The following FAM47B variants were observed in gnomAD, a reference collection of about 807,000 sequenced individuals.
FAM47B encodes family with sequence similarity 47 member B.
For missense variants in FAM47B, 581 were observed against 550.1 expected (o/e 1.06, Z -0.56); for synonymous variants, 247 against 215.8 (o/e 1.14, Z -1.27).
rs137863372 is a variant in FAM47B at position 34,944,759 on chromosome X, A to T, written c.1928A>T (p.Lys643Ile). The T allele has an allele frequency of 1.1e-3, 1,276 of 1,152,028 alleles. 1 individual carries two copies. The highest frequency in any genetic ancestry group is 1.2e-3 in the Non-Finnish European group (1,058 of 867,101). 94.9% of individuals were successfully genotyped at this position (1,152,028 alleles called of 1,213,427 possible). A position where few individuals can be genotyped will look rare whatever the true frequency, so the allele number is the denominator to read the frequency against. The part of the protein sequence containing the change: ...KYKEDVTDAS[K>I]ED ...AAAGAAGACGTCACAGATGCATCAA[A>T]AGAAGATTAGATGGTTTTCAATTTA... The change falls in exon 1 of 1, where the codon AAA becomes ATA. Residue 643 changes from lysine (K) to isoleucine (I), a missense_variant. Lys to Ile is a moderately radical substitution (Grantham distance 102). Transcript: ENST00000329357.
rs142684131 is a variant in FAM47B at position 34,943,695 on chromosome X, C to A, written c.864C>A (p.Pro288=). Residue 288 remains proline (P), a synonymous_variant, in exon 1 of 1, where the codon CCC becomes CCA. Coordinates refer to ENST00000329357, the MANE Select transcript of FAM47B (RefSeq NM_152631.3). ...CGTCCCATCTCTGCCCGGAGCCTCC[C>A]GAGACTCGCGTATCTCATCTCCACC... is the stretch of plus-strand genomic sequence containing the variant. ...TGASHLCPEP[P]ETRVSHLHPE... is the part of the protein sequence containing the mutation. 6.6e-6 allele frequency: 8 copies of A among 1,208,203 alleles called. No homozygotes were observed. In the Admixed American group the frequency reaches 1.3e-4, roughly 20 times the overall value.
In FAM47B at chrX:34,943,806, G is replaced by A; in HGVS notation, c.975G>A (p.Glu325=). 8.3e-7 allele frequency: 1 copy of A among 1,210,551 alleles called. No individual in the cohort carries two copies. Among genetic ancestry groups the A allele is most frequent in the Non-Finnish European group, 1.1e-6 (1 of 895,222 alleles). The change falls in exon 1 of 1, where the codon GAG becomes GAA. Residue 325 remains glutamate, a synonymous_variant. Transcript: ENST00000329357. ...CCAGTCTCTGCCCGGAGCCTCCCGA[G>A]GCTGGAGTGTCCCATCTCTGCCTGG... ...QVSSLCPEPP[E]AGVSHLCLEP... is the part of the protein sequence containing the mutation.
rs1926791952 is a variant in FAM47B, at chrX:34,942,817, A to C, written c.-15A>C. On this transcript the variant is annotated 5_prime_UTR_variant, in exon 1 of 1. Transcript: ENST00000329357. ...CCTCAGAAGCTGGAGAGGTGGCACA[A>C]CAGAGAGGGCCACCATGGGGGACCG... 4 of 1,177,372 alleles carry C rather than the reference A, an allele frequency of 3.4e-6. No individual in the cohort carries two copies. The highest frequency in any genetic ancestry group is 3.8e-5 in the South Asian group (2 of 53,011).
At position 34,942,929 on chromosome X, in the gene FAM47B, G is replaced by A. The variant is rs751913424; in HGVS notation, c.98G>A (p.Arg33His). 1.3e-5 allele frequency: 16 copies of A among 1,210,708 alleles called. No individual in the cohort carries two copies. In the African/African-American group the frequency reaches 1.9e-4, roughly 14 times the overall value. The change falls in exon 1 of 1, where the codon CGC becomes CAC. Residue 33 changes from arginine to histidine, a missense_variant. By Grantham distance (29) the Arg-to-His change is conservative. Coordinates refer to ENST00000329357, the MANE Select transcript of FAM47B (RefSeq NM_152631.3). ...CCGCCTTCCAAGTACTTCGCGAAGC[G>A]CAAGCACAGGCGCCTGAGGTTCCCG... The part of the protein sequence containing the change: ...DKPPSKYFAK[R>H]KHRRLRFPPV...
Position 34,942,816 on chromosome X carries a change from A to G in FAM47B, c.-16A>G. The G allele has an allele frequency of 8.5e-7, 1 of 1,175,092 alleles. No homozygotes were observed. Among genetic ancestry groups the G allele is most frequent in the Non-Finnish European group, 1.1e-6 (1 of 875,687 alleles). On this transcript the variant is annotated 5_prime_UTR_variant, in exon 1 of 1. Coordinates refer to ENST00000329357, the MANE Select transcript of FAM47B (RefSeq NM_152631.3). ...ACCTCAGAAGCTGGAGAGGTGGCAC[A>G]ACAGAGAGGGCCACCATGGGGGACC...
chrX:34,944,718 G>A lies in FAM47B; in HGVS notation c.1887G>A (p.Val629=). The change falls in exon 1 of 1, where the codon GTG becomes GTA. Residue 629 remains valine (V), a synonymous_variant. Transcript: ENST00000329357. ...TTAAGACTCCTATTCAACGTGCAGT[G>A]CAAGTTTACAAGTACAAAGAAGACG... ...DSVKTPIQRA[V]QVYKYKEDVT... The A allele has an allele frequency of 8.4e-7, 1 of 1,190,125 alleles. No homozygotes were observed.
At position 34,943,655 on chromosome X, in the gene FAM47B, C is replaced by T; in HGVS notation, c.824C>T (p.Pro275Leu). Reference protein sequence around the residue: ...KTLVSSVHPEPPDTGASHLCP... With the variant: ...KTLVSSVHPELPDTGASHLCP... The stretch of plus-strand genomic sequence containing the variant: ...CTGGTGTCCAGTGTCCACCCAGAGC[C>T]TCCTGATACTGGAGCGTCCCATCTC... Residue 275 changes from proline to leucine, a missense_variant, in exon 1 of 1, where the codon CCT (proline) becomes CTT (leucine). Coordinates refer to ENST00000329357, the MANE Select transcript of FAM47B (RefSeq NM_152631.3). The T allele has an allele frequency of 8.3e-7, 1 of 1,210,092 alleles. No homozygotes were observed.
Position 34,943,285 on chromosome X carries a change from C to G in FAM47B, c.454C>G (p.Gln152Glu), listed in dbSNP as rs1926806730. Reference sequence around the variant, plus strand: ...AGATCTCCTACTACAGGTGCTGAAACAGCTGGATCCCGAGAGGAAGCTGGA... The same window carrying G: ...AGATCTCCTACTACAGGTGCTGAAAGAGCTGGATCCCGAGAGGAAGCTGGA... ...PPDLLLQVLK[Q>E]LDPERKLEDA... The change falls in exon 1 of 1, where the codon CAG (glutamine) becomes GAG (glutamate). Residue 152 changes from glutamine to glutamate, a missense_variant. Transcript: ENST00000329357. 4 of 1,211,677 alleles carry G rather than the reference C, an allele frequency of 3.3e-6. No homozygotes were observed. Among genetic ancestry groups the G allele is most frequent in the Non-Finnish European group, 4.5e-6 (4 of 895,485 alleles).
rs764410326 is a variant in FAM47B at position 34,943,279 on chromosome X, C to A, written c.448C>A (p.Leu150Met). Reference sequence around the variant, plus strand: ...GCCTCCAGATCTCCTACTACAGGTGCTGAAACAGCTGGATCCCGAGAGGAA... The same window carrying A: ...GCCTCCAGATCTCCTACTACAGGTGATGAAACAGCTGGATCCCGAGAGGAA... ...DMPPDLLLQVLKQLDPERKLE... is the reference protein window; with the variant it reads ...DMPPDLLLQVMKQLDPERKLE... The change falls in exon 1 of 1, where the codon CTG becomes ATG. Residue 150 changes from leucine to methionine, a missense_variant. Physicochemically the swap from Leu to Met is conservative, Grantham distance 15 (BLOSUM62 2). Coordinates refer to ENST00000329357, the MANE Select transcript of FAM47B (RefSeq NM_152631.3). 2.6e-5 allele frequency: 31 copies of A among 1,209,697 alleles called. No individual in the cohort carries two copies. Among genetic ancestry groups the A allele is most frequent in the Non-Finnish European group, 6.7e-6 (6 of 895,133 alleles).
rs148435716 is a variant in FAM47B at position 34,942,842 on chromosome X, G to T, written c.11G>T (p.Arg4Leu). 7.5e-6 allele frequency: 9 copies of T among 1,198,088 alleles called. No individual in the cohort carries two copies. Among genetic ancestry groups the T allele is most frequent in the Non-Finnish European group, 1.0e-5 (9 of 886,839 alleles). ...ACAGAGAGGGCCACCATGGGGGACC[G>T]GAGGCCACAGGACCGGCCAAGGTCC... is the stretch of plus-strand genomic sequence containing the variant. MGDRRPQDRPRSQG... is the reference protein window; with the variant it reads MGDLRPQDRPRSQG... Residue 4 changes from arginine (R) to leucine (L), a missense_variant, in exon 1 of 1, where the codon CGG (arginine) becomes CTG (leucine). Transcript: ENST00000329357.
At position 34,944,651 on chromosome X, in the gene FAM47B, T is replaced by A; in HGVS notation, c.1820T>A (p.Ile607Asn). The A allele has an allele frequency of 1.7e-6, 2 of 1,211,812 alleles. No homozygotes were observed. The highest frequency in any genetic ancestry group is 2.2e-6 in the Non-Finnish European group (2 of 895,483). The change falls in exon 1 of 1, where the codon ATT becomes AAT. Residue 607 changes from isoleucine (I) to asparagine (N), a missense_variant. By Grantham distance (149) the Ile-to-Asn change is moderately radical. Coordinates refer to ENST00000329357, the MANE Select transcript of FAM47B (RefSeq NM_152631.3). ...LSKGYRMPGV[I>N]EKLFAKKGWT... ...AAGGGCTACAGAATGCCTGGCGTCATTGAAAAGCTGTTTGCCAAGAAGGGA... is the reference window on the plus strand; with the variant it reads ...AAGGGCTACAGAATGCCTGGCGTCAATGAAAAGCTGTTTGCCAAGAAGGGA...
At position 34,943,341 on chromosome X, in the gene FAM47B, G is replaced by A; in HGVS notation, c.510G>A (p.Glu170=). 3 of 1,210,844 alleles carry A rather than the reference G, an allele frequency of 2.5e-6. No homozygotes were observed. The highest frequency in any genetic ancestry group is 3.4e-6 in the Non-Finnish European group (3 of 895,147). The change falls in exon 1 of 1, where the codon GAG becomes GAA. Residue 170 remains glutamate, a synonymous_variant. Coordinates refer to ENST00000329357, the MANE Select transcript of FAM47B (RefSeq NM_152631.3). ...EDAWARCEAR[E]KTTEVPTESG... The stretch of plus-strand genomic sequence containing the variant: ...CTTGGGCTCGTTGTGAGGCCCGGGA[G>A]AAGACAACCGAGGTACCCACCGAGT...
chrX:34,944,019 T>C lies in FAM47B; in HGVS notation c.1188T>C (p.His396=). The C allele has an allele frequency of 8.3e-7, 1 of 1,208,266 alleles. No individual in the cohort carries two copies. Among genetic ancestry groups the C allele is most frequent in the Non-Finnish European group, 1.1e-6 (1 of 894,904 alleles). The stretch of plus-strand genomic sequence containing the variant: ...GGCCTTTTGAGAGTCGGATGCCCCA[T>C]CTCCGCCTGGTGCTTCCCATAACTC... ...CPRPFESRMP[H]LRLVLPITRR... Residue 396 remains histidine (H), a synonymous_variant, in exon 1 of 1, where the codon CAT becomes CAC. Coordinates refer to ENST00000329357, the MANE Select transcript of FAM47B (RefSeq NM_152631.3).
chrX:34,943,793 C>T lies in FAM47B; in HGVS notation c.962C>T (p.Pro321Leu), dbSNP rs751598301. The change falls in exon 1 of 1, where the codon CCG becomes CTG. Residue 321 changes from proline (P) to leucine (L), a missense_variant. By Grantham distance (98) the Pro-to-Leu change is moderately conservative. Transcript: ENST00000329357. ...AAGACTCAGGTGTCCAGTCTCTGCC[C>T]GGAGCCTCCCGAGGCTGGAGTGTCC... is the stretch of plus-strand genomic sequence containing the variant. ...PSKTQVSSLCPEPPEAGVSHL... is the reference protein window; with the variant it reads ...PSKTQVSSLCLEPPEAGVSHL... 1.9e-4 allele frequency: 232 copies of T among 1,206,040 alleles called. No individual in the cohort carries two copies. The highest frequency in any genetic ancestry group is 2.5e-4 in the Non-Finnish European group (223 of 894,004).
chrX:34,942,884 A>C lies in FAM47B; in HGVS notation c.53A>C (p.Lys18Thr), dbSNP rs376051927. Reference protein sequence around the residue: ...DRPRSQGMDSKPWYCDKPPSK... With the variant: ...DRPRSQGMDSTPWYCDKPPSK... ...CCAAGGTCCCAAGGCATGGACTCCA[A>C]GCCCTGGTACTGTGACAAACCGCCT... Residue 18 changes from lysine (K) to threonine (T), a missense_variant, in exon 1 of 1, where the codon AAG becomes ACG. Transcript: ENST00000329357. The C allele has an allele frequency of 6.2e-5, 75 of 1,210,355 alleles. 1 individual carries two copies. The highest frequency in any genetic ancestry group is 5.8e-4 in the South Asian group (33 of 56,810).
In FAM47B at chrX:34,942,964, A is replaced by G. The variant is rs1174520320; in HGVS notation, c.133A>G (p.Thr45Ala). ...HRRLRFPPVD[T>A]QNWVFVTEGM... Reference sequence around the variant, plus strand: ...GCGCCTGAGGTTCCCGCCTGTGGACACCCAGAACTGGGTATTTGTGACGGA... The same window carrying G: ...GCGCCTGAGGTTCCCGCCTGTGGACGCCCAGAACTGGGTATTTGTGACGGA... Residue 45 changes from threonine (T) to alanine (A), a missense_variant, in exon 1 of 1, where the codon ACC (threonine) becomes GCC (alanine). Physicochemically the swap from Thr to Ala is moderately conservative, Grantham distance 58 (BLOSUM62 0). Coordinates refer to ENST00000329357, the MANE Select transcript of FAM47B (RefSeq NM_152631.3). 9.9e-6 allele frequency: 12 copies of G among 1,212,034 alleles called. No homozygotes were observed. The highest frequency in any genetic ancestry group is 1.3e-5 in the Non-Finnish European group (12 of 895,553).
Position 34,944,565 on chromosome X carries a change from T to G in FAM47B, c.1734T>G (p.Asp578Glu), listed in dbSNP as rs767234741. 34 of 1,208,089 alleles carry G rather than the reference T, an allele frequency of 2.8e-5. No homozygotes were observed. Among genetic ancestry groups the G allele is most frequent in the Admixed American group, 4.4e-5 (2 of 45,595 alleles). Residue 578 changes from aspartate to glutamate, a missense_variant, in exon 1 of 1, where the codon GAT (aspartate) becomes GAG (glutamate). Coordinates refer to ENST00000329357, the MANE Select transcript of FAM47B (RefSeq NM_152631.3). The stretch of plus-strand genomic sequence containing the variant: ...CCAAGCCCGTACTTGAAAAGCCTGA[T>G]GAACCCGACATTCTTGACGGTCTTT... Reference protein sequence around the residue: ...IDPKPVLEKPDEPDILDGLYG... With the variant: ...IDPKPVLEKPEEPDILDGLYG...
At position 34,943,379 on chromosome X, in the gene FAM47B, C is replaced by T. The variant is rs1164005658; in HGVS notation, c.548C>T (p.Pro183Leu). The change falls in exon 1 of 1, where the codon CCC (proline) becomes CTC (leucine). Residue 183 changes from proline to leucine, a missense_variant. Physicochemically the swap from Pro to Leu is moderately conservative, Grantham distance 98. Transcript: ENST00000329357. ...TEVPTESGKYPCGESCPRPPE... is the reference protein window; with the variant it reads ...TEVPTESGKYLCGESCPRPPE... ...GTACCCACCGAGTCTGGTAAATATC[C>T]CTGTGGGGAATCCTGCCCGCGGCCT... is the stretch of plus-strand genomic sequence containing the variant. The T allele has an allele frequency of 8.3e-7, 1 of 1,210,582 alleles. No homozygotes were observed.
Position 34,943,944 on chromosome X carries a change from C to T in FAM47B, c.1113C>T (p.Thr371=), listed in dbSNP as rs759572768. The part of the protein sequence containing the change: ...RARCEGQEMT[T]EELTKPGKYH... ...GTTGTGAGGGCCAGGAGATGACAACCGAGGAACTCACCAAGCCTGGTAAAT... is the reference window on the plus strand; with the variant it reads ...GTTGTGAGGGCCAGGAGATGACAACTGAGGAACTCACCAAGCCTGGTAAAT... The change falls in exon 1 of 1, where the codon ACC becomes ACT. Residue 371 remains threonine (T), a synonymous_variant. Transcript: ENST00000329357. 4.5e-5 allele frequency: 55 copies of T among 1,208,888 alleles called. No individual in the cohort carries two copies. Among genetic ancestry groups the T allele is most frequent in the Non-Finnish European group, 5.7e-5 (51 of 895,062 alleles).
Sources: allele counts gnomAD v4.1 joint callset, GRCh38; gene constraint gnomAD v4.1.1; transcripts MANE v1.5; gene names NCBI Gene and HGNC (gene_info 2026-07-23, HGNC 2026-07-21).